Variants in ASTE1 observed in about 807,000 individuals in gnomAD.
ASTE1 encodes the protein single-strand DNA endonuclease ASTE1.
In ASTE1, 49 loss-of-function variants were observed where a neutral mutation model predicts 45.8. The ratio of observed to expected loss-of-function variants is 1.07; its 90% CI spans 0.85 to 1.36. The LOEUF is 1.36. Ranked by LOEUF, ASTE1 falls within the 40% of genes most tolerant of loss-of-function variation. ASTE1 has a pLI of 0.00. For missense variants in ASTE1, 709 were observed against 804.0 expected (o/e 0.88, Z 1.43); for synonymous variants, 296 against 303.9 (o/e 0.97, Z 0.27).
chr3:131,021,107 T>C (rs986416715), intron 3 of ASTE1, among the ~76,000 whole-genome samples: 1 of 152,306 alleles, frequency 6.6e-6, no homozygotes, highest in African/African-American at 2.4e-5. Flanking sequence ...AATAAAAATT[T>C]AAATTAGAGT....
chr3:131,024,315 A>G lies in ASTE1; in HGVS notation c.992T>C (p.Val331Ala), dbSNP rs1426729123. 4 of 1,614,122 alleles carry G rather than the reference A, an allele frequency of 2.5e-6. No homozygotes were observed. The Admixed American group carries it at 6.7e-5, about 27-fold the overall frequency. Reference sequence around the variant, plus strand: ...AGATAGCTGGCCTTTAGCTAAAGCCACTAATACCCATTCTGGTAAACCAAG... The same window carrying G: ...AGATAGCTGGCCTTTAGCTAAAGCCGCTAATACCCATTCTGGTAAACCAAG... ...LNLGLPEWVL[V>A]ALAKGQLSPF... The change falls in exon 3 of 6, where the codon GTG becomes GCG. Residue 331 changes from valine (V) to alanine (A), a missense_variant. Coordinates refer to ENST00000264992, the MANE Select transcript of ASTE1 (RefSeq NM_014065.4).
rs760009404 is a variant in ASTE1, at chr3:131,023,996, A to C, written c.1302+9T>G. ...TTACAAAAATTTCATTAGTATTACA[A>C]ATACTTACCTCAGTCAATCTGCTTA... On this transcript the variant is annotated intron_variant, in intron 3 of 5. Coordinates refer to ENST00000264992, the MANE Select transcript of ASTE1 (RefSeq NM_014065.4). 1.6e-5 allele frequency: 25 copies of C among 1,566,832 alleles called. No homozygotes were observed. The highest frequency in any genetic ancestry group is 2.2e-5 in the Non-Finnish European group (25 of 1,156,658).
chr3:131,025,399 C>A (rs1470927241), intron 2 of ASTE1, 68 bp from the exon 3 acceptor site: 1 of 1,516,828 alleles, frequency 6.6e-7, no homozygotes, highest in Non-Finnish European at 8.8e-7. Flanking sequence ...TTGCTTCCAG[C>A]ACCATTAAAT....
intron 5 of ASTE1, among the ~76,000 whole-genome samples, chr3:131,014,938 G>A (rs1474601368): frequency 6.6e-6 from 1 of 152,186 alleles, no homozygotes; most frequent in Non-Finnish European, 1.5e-5. Flanking sequence ...GTTATGCTAA[G>A]ATTCAAGAAC....
chr3:131,016,821 G>T, intron 4 of ASTE1: 1 of 407,620 alleles, frequency 2.5e-6, no homozygotes, highest in Non-Finnish European at 4.2e-6. Flanking sequence ...GGAGAATTTG[G>T]CAAATAATCA....
At chr3:131,019,805 T>C (rs1173504428) in intron 3 of ASTE1, among the ~76,000 whole-genome samples, 1 of 152,176 alleles carries the variant, frequency 6.6e-6, no homozygotes, top group Non-Finnish European at 1.5e-5. Context: ...AATGACAAAA[T>C]AGTTTTATCA....
At position 131,025,263 on chromosome 3, in the gene ASTE1, T is replaced by C; in HGVS notation, c.44A>G (p.Asn15Ser). The C allele has an allele frequency of 6.2e-7, 1 of 1,614,126 alleles. No homozygotes were observed. The highest frequency in any genetic ancestry group is 8.5e-7 in the Non-Finnish European group (1 of 1,179,982). ...CAACTTCAAATCAGTGAAGAACTCA[T>C]TACTATGATCTTCCACAAAACTCAT... ...GLMSFVEDHS[N>S]EFFTDLKLRD... The change falls in exon 3 of 6, where the codon AAT becomes AGT. Residue 15 changes from asparagine to serine, a missense_variant. Asn to Ser is a conservative substitution (Grantham distance 46). Transcript: ENST00000264992.
rs751284285 is a variant in ASTE1 at position 131,024,497 on chromosome 3, G to A, written c.810C>T (p.Thr270=). 91 of 1,613,912 alleles carry A rather than the reference G, an allele frequency of 5.6e-5. No individual in the cohort carries two copies. The highest frequency in any genetic ancestry group is 6.9e-5 in the Non-Finnish European group (82 of 1,180,018). The change falls in exon 3 of 6, where the codon ACC becomes ACT. Residue 270 remains threonine (T), a synonymous_variant. Coordinates refer to ENST00000264992, the MANE Select transcript of ASTE1 (RefSeq NM_014065.4). ...ATTTCAGAACATTATCTAGTGCTTC[G>A]GTAGGGTTGGCAAAATGAGACAACC... is the stretch of plus-strand genomic sequence containing the variant. ...LNWLSHFANP[T]EALDNVLKYL...
At chr3:131,018,854 A>G in intron 3 of ASTE1, 138 bp from the exon 4 acceptor site, 2 of 815,106 alleles carry the variant, frequency 2.5e-6, no homozygotes, top group African/African-American at 1.7e-5. Context: ...GGGAAAAAAA[A>G]TCAGCCACAC....
At chr3:131,015,514 C>T (rs150300326) in intron 5 of ASTE1, among the ~76,000 whole-genome samples, 1 of 152,322 alleles carries the variant, frequency 6.6e-6, no homozygotes, top group East Asian at 1.9e-4. Flanking sequence ...CTCTGTGGCA[C>T]ATAGGCTCAA....
chr3:131,020,944 A>C (rs2063733853), intron 3 of ASTE1, among the ~76,000 whole-genome samples: 1 of 151,260 alleles, frequency 6.6e-6, no homozygotes, highest in South Asian at 2.1e-4. Context: ...TGTGGGGGGA[A>C]AAGGTATCCT....
rs1488762852 is a variant in ASTE1, at chr3:131,014,138, A to G, written c.1959T>C (p.Cys653=). The G allele has an allele frequency of 1.2e-6, 2 of 1,612,702 alleles. No homozygotes were observed. Among genetic ancestry groups the G allele is most frequent in the African/African-American group, 1.3e-5 (1 of 74,620 alleles). ...CAAACCGGTTGTTTCCCTCATACCA[A>G]CACTTGGTGTGTGCAGTGGTTCTCC... The part of the protein sequence containing the change: ...NRGRTTAHTK[C]WYEGNNRFGL... Residue 653 remains cysteine (C), a synonymous_variant, in exon 6 of 6, where the codon TGT becomes TGC. Coordinates refer to ENST00000264992, the MANE Select transcript of ASTE1 (RefSeq NM_014065.4).
At position 131,024,926 on chromosome 3, in the gene ASTE1, C is replaced by A; in HGVS notation, c.381G>T (p.Leu127Phe). The A allele has an allele frequency of 6.2e-7, 1 of 1,613,806 alleles. No individual in the cohort carries two copies. The highest frequency in any genetic ancestry group is 8.5e-7 in the Non-Finnish European group (1 of 1,179,840). The change falls in exon 3 of 6, where the codon TTG (leucine) becomes TTT (phenylalanine). Residue 127 changes from leucine to phenylalanine, a missense_variant. Physicochemically the swap from Leu to Phe is conservative, Grantham distance 22. Coordinates refer to ENST00000264992, the MANE Select transcript of ASTE1 (RefSeq NM_014065.4). ...LLIREVFIQV[L>F]IKLRVCFVQC... ...GGACAAAACACACCCGCAGCTTGATCAAAACCTGTATGAATACTTCCCGGA... is the reference window on the plus strand; with the variant it reads ...GGACAAAACACACCCGCAGCTTGATAAAAACCTGTATGAATACTTCCCGGA...
Position 131,024,820 on chromosome 3 carries a change from AG to A in ASTE1, c.486del (p.Cys164AlafsTer5), listed in dbSNP as rs2063788736. The A allele has an allele frequency of 6.2e-7, 1 of 1,614,204 alleles. No individual in the cohort carries two copies. Among genetic ancestry groups the A allele is most frequent in the Non-Finnish European group, 8.5e-7 (1 of 1,180,042 alleles). On this transcript the variant is annotated frameshift_variant, in exon 3 of 6. Coordinates refer to ENST00000264992, the MANE Select transcript of ASTE1 (RefSeq NM_014065.4). LOFTEE classifies it high-confidence loss of function. ...WNCPVLSSDS[D>X]FCIFDLKTGF... ...CCAGTTTTCAGGTCAAAAATGCAAA[AG>A]TCACTATCTGATGATAACACAGGGC...
rs968097404 is a variant in ASTE1 at position 131,015,838 on chromosome 3, G to A, written c.1709+306C>T. On this transcript the variant is annotated intron_variant, in intron 5 of 5. Transcript: ENST00000264992. ...ACATTTAAAGACTGAGAGGAAAGGA[G>A]AGAGTTGTATCCTACCAATGATTGC... 6 of 456,498 alleles carry A rather than the reference G, an allele frequency of 1.3e-5. No homozygotes were observed. In the Admixed American group the frequency reaches 1.6e-4, roughly 13 times the overall value. The allele number at this position is 456,498 out of a possible 1,614,324, so 28.3% of individuals were successfully genotyped here. A position where few individuals can be genotyped will look rare whatever the true frequency, so the allele number is the denominator to read the frequency against.
chr3:131,022,425 G>A (rs1431580461), intron 3 of ASTE1, among the ~76,000 whole-genome samples: 2 of 152,040 alleles, frequency 1.3e-5, no homozygotes, highest in African/African-American at 4.8e-5. Flanking sequence ...TTGACCTCCT[G>A]GGCTCGAGCA....
Position 131,014,272 on chromosome 3 carries a change from T to C in ASTE1, c.1825A>G (p.Asn609Asp). 6.2e-7 allele frequency: 1 copy of C among 1,614,146 alleles called. No homozygotes were observed. The change falls in exon 6 of 6, where the codon AAT becomes GAT. Residue 609 changes from asparagine to aspartate, a missense_variant. By Grantham distance (23) the Asn-to-Asp change is conservative. Transcript: ENST00000264992. ...EAKQLYEYLF[N>D]ATRSYAPAEI... is the part of the protein sequence containing the mutation. ...GCGGGGGCATATGACCTTGTGGCAT[T>C]GAATAGATATTCATAAAGTTGCTTA...
chr3:131,024,964 A>G lies in ASTE1; in HGVS notation c.343T>C (p.Cys115Arg), dbSNP rs755573935. 3.7e-6 allele frequency: 6 copies of G among 1,608,500 alleles called. No homozygotes were observed. The highest frequency in any genetic ancestry group is 1.3e-5 in the African/African-American group (1 of 74,764). ...SLSVGGSGYV[C>R]PLLIREVFIQ... ...AATACTTCCCGGATGAGTAAGGGAC[A>G]TACGTACCCACTCCCACCAACAGAA... The change falls in exon 3 of 6, where the codon TGT becomes CGT. Residue 115 changes from cysteine to arginine, a missense_variant. By Grantham distance (180) the Cys-to-Arg change is radical. Transcript: ENST00000264992.
At chr3:131,015,185 G>C (rs761132309) in intron 5 of ASTE1, 1 of 701,602 alleles carries the variant, frequency 1.4e-6, no homozygotes, top group South Asian at 1.5e-5. Flanking sequence ...TTTTTACCTT[G>C]AAACATGTAA....
Sources: gnomAD v4.1 joint callset for allele counts (sites outside exome capture counted in the v4.1 genomes callset) on GRCh38, gnomAD v4.1.1 for gene constraint, MANE v1.5 for transcripts, NCBI Gene and HGNC (gene_info 2026-07-23, HGNC 2026-07-21) for gene names.